ENPEP: variants seen among roughly 807,000 people sequenced by gnomAD.
ENPEP encodes glutamyl aminopeptidase, also known as AP-A.
Under a neutral mutation model 114.5 loss-of-function variants are expected in ENPEP, and 103 were observed. The ratio of observed to expected loss-of-function variants is 0.90; its 90% CI spans 0.77 to 1.06. The LOEUF is 1.06. ENPEP is among the 50% of genes least tolerant of loss of function. The probability of loss-of-function intolerance (pLI) is 0.00; values close to 1 mark genes in which losing one functional copy is unlikely to be tolerated. For synonymous variants in ENPEP, 420 were observed against 422.0 expected, an observed-to-expected ratio of 1.00 and a Z score of 0.06; for missense variants, 1,196 against 1,161.3, an observed-to-expected ratio of 1.03 and a Z score of -0.43.
At chr4:110,523,671 A>T (rs537399640) in intron 10 of ENPEP, among the ~76,000 whole-genome samples, 1 of 152,216 alleles carries the variant, frequency 6.6e-6, no homozygotes, top group African/African-American at 2.4e-5. Flanking sequence ...CATTTTTGTT[A>T]TGGTGGCAGA....
chr4:110,551,128 A>C (rs1727274183), intron 17 of ENPEP, among the ~76,000 whole-genome samples: 1 of 151,694 alleles, frequency 6.6e-6, no homozygotes, highest in South Asian at 2.1e-4. Context: ...GATCATTTTC[A>C]CATTTCACAA....
chr4:110,534,229 G>A (rs1297849888), intron 11 of ENPEP, among the ~76,000 whole-genome samples: 3 of 151,886 alleles, frequency 2.0e-5, no homozygotes, highest in African/African-American at 7.3e-5. Context: ...TCTCCCCAAG[G>A]TCTTTTATTT....
intron 11 of ENPEP, among the ~76,000 whole-genome samples, chr4:110,538,245 G>T (rs1230363763): frequency 6.6e-6 from 1 of 152,184 alleles, no homozygotes; most frequent in East Asian, 1.9e-4. Context: ...CATCTACACT[G>T]AAAATGTTTT....
chr4:110,522,040 G>T lies in ENPEP; in HGVS notation c.1727+1674G>T, dbSNP rs551634082. Among the ~76,000 whole-genome samples the T allele has an allele frequency of 2.0e-5, 3 of 151,878 alleles. No individual in the cohort carries two copies. In the East Asian group the frequency reaches 5.8e-4, roughly 29 times the overall value. On this transcript the variant is annotated intron_variant, in intron 10 of 19. Transcript: ENST00000265162. The stretch of plus-strand genomic sequence containing the variant: ...ATTACAGGTGCATGCCACCACACCC[G>T]GCTAATTTTTGTATTTTTAGTGAAG...
intron 4 of ENPEP, among the ~76,000 whole-genome samples, chr4:110,507,752 G>A (rs1402199420): frequency 1.3e-5 from 2 of 152,244 alleles, no homozygotes; most frequent in Non-Finnish European, 2.9e-5. Context: ...CAGGCGGGCG[G>A]ATCGCTTGAG....
Position 110,476,425 on chromosome 4 carries a change from C to T in ENPEP, c.11C>T (p.Ala4Val), listed in dbSNP as rs1209536247. The change falls in exon 1 of 20, where the codon GCG (alanine) becomes GTG (valine). Residue 4 changes from alanine (A) to valine (V), a missense_variant. By Grantham distance (64) the Ala-to-Val change is moderately conservative (BLOSUM62 0). Coordinates refer to ENST00000265162, the MANE Select transcript of ENPEP (RefSeq NM_001977.4). MNF[A>V]EREGSKRYCI... Reference sequence around the variant, plus strand: ...ACTTTGGAAGCAAAAATGAACTTTGCGGAGAGAGAGGGCTCTAAGAGATAC... The same window carrying T: ...ACTTTGGAAGCAAAAATGAACTTTGTGGAGAGAGAGGGCTCTAAGAGATAC... The T allele has an allele frequency of 2.0e-6, 3 of 1,514,148 alleles. No homozygotes were observed. Among genetic ancestry groups the T allele is most frequent in the African/African-American group, 1.4e-5 (1 of 71,704 alleles). 93.8% of individuals were successfully genotyped at this position (1,514,148 alleles called of 1,614,324 possible).
At chr4:110,518,147 G>A (rs1306914269) in intron 8 of ENPEP, among the ~76,000 whole-genome samples, 1 of 152,172 alleles carries the variant, frequency 6.6e-6, no homozygotes, top group Non-Finnish European at 1.5e-5. Flanking sequence ...CAGCAAAATA[G>A]GTGCAGGATG....
chr4:110,481,381 C>T (rs1349126722), intron 1 of ENPEP, among the ~76,000 whole-genome samples: 1 of 151,774 alleles, frequency 6.6e-6, no homozygotes, highest in Non-Finnish European at 1.5e-5. Context: ...ACAGGGTTTT[C>T]AGAGGCTTTT....
In ENPEP at chr4:110,476,765, C is replaced by G; in HGVS notation, c.351C>G (p.Gly117=). Residue 117 remains glycine (G), a synonymous_variant, in exon 1 of 20, where the codon GGC becomes GGG. Transcript: ENST00000265162. ...TGTTGGAGGAGGACACCTACACGGG[C>G]ACCGTGAGCATCTCCATCAACCTGA... ...KPLLEEDTYT[G]TVSISINLSA... The G allele has an allele frequency of 1.2e-6, 2 of 1,614,196 alleles. No individual in the cohort carries two copies. Among genetic ancestry groups the G allele is most frequent in the Non-Finnish European group, 1.7e-6 (2 of 1,180,044 alleles).
intron 14 of ENPEP, 68 bp downstream of exon 14, chr4:110,548,394 G>A: frequency 7.5e-7 from 1 of 1,325,246 alleles, no homozygotes; most frequent in Non-Finnish European, 9.9e-7. Context: ...GATGCTTTCT[G>A]AGAGAAGGAG....
intron 3 of ENPEP, among the ~76,000 whole-genome samples, chr4:110,495,892 A>AC (rs1724916628): frequency 6.6e-6 from 1 of 152,214 alleles, no homozygotes; most frequent in East Asian, 1.9e-4. Context: ...GATTATTTCA[A>AC]CTCTAGTCAA....
chr4:110,487,173 C>G (rs560066636), intron 1 of ENPEP, among the ~76,000 whole-genome samples: 1 of 152,324 alleles, frequency 6.6e-6, no homozygotes, highest in African/African-American at 2.4e-5. Context: ...GGTTGAGACT[C>G]TTGCAGCCAG....
chr4:110,548,010 T>A (rs185399104), intron 13 of ENPEP, among the ~76,000 whole-genome samples, 166 bp from the exon 14 acceptor site: 6 of 152,178 alleles, frequency 3.9e-5, no homozygotes, highest in Non-Finnish European at 7.4e-5. Context: ...ACTTTTTGAT[T>A]GGGCTTCAAC....
chr4:110,499,545 G>A (rs748293036), intron 3 of ENPEP, among the ~76,000 whole-genome samples: 6 of 152,150 alleles, frequency 3.9e-5, no homozygotes, highest in Non-Finnish European at 8.8e-5. Flanking sequence ...ATGGCCAGTT[G>A]TATGTTGGAA....
At chr4:110,544,745 C>G (rs1560568716) in intron 13 of ENPEP, among the ~76,000 whole-genome samples, 1 of 152,092 alleles carries the variant, frequency 6.6e-6, no homozygotes, top group Non-Finnish European at 1.5e-5. Context: ...GAGGTCCTTT[C>G]TATTCCAAGA....
In ENPEP at chr4:110,549,632, G is replaced by A; in HGVS notation, c.2330G>A (p.Ser777Asn). The A allele has an allele frequency of 1.2e-6, 2 of 1,613,426 alleles. No individual in the cohort carries two copies. The highest frequency in any genetic ancestry group is 1.7e-6 in the Non-Finnish European group (2 of 1,179,602). The change falls in exon 16 of 20, where the codon AGC (serine) becomes AAC (asparagine). Residue 777 changes from serine (S) to asparagine (N), a missense_variant and splice_region_variant. Physicochemically the swap from Ser to Asn is conservative, Grantham distance 46 (BLOSUM62 1). Transcript: ENST00000265162. The stretch of plus-strand genomic sequence containing the variant: ...GAGCAGTGGCTAAATGGGACTGTAA[G>A]GTGATTACTCACATTGTTATGCTTA... ...LFEQWLNGTV[S>N]LPVNLRLLVY...
At position 110,476,318 on chromosome 4, in the gene ENPEP, T is replaced by G. The variant is rs1724093785; in HGVS notation, c.-97T>G. The G allele has an allele frequency of 1.4e-6, 2 of 1,449,556 alleles. No homozygotes were observed. Among genetic ancestry groups the G allele is most frequent in the African/African-American group, 1.4e-5 (1 of 70,536 alleles). 89.8% of individuals were successfully genotyped at this position (1,449,556 alleles called of 1,614,324 possible). On this transcript the variant is annotated 5_prime_UTR_variant, in exon 1 of 20. Transcript: ENST00000265162. ...GGAAAAGCGAAAACAGGCTGCCAAA[T>G]CAGGGGATTCCTTCCAATTTAAAAA...
chr4:110,484,529 G>A (rs1416711100), intron 1 of ENPEP, among the ~76,000 whole-genome samples: 1 of 151,866 alleles, frequency 6.6e-6, no homozygotes, highest in Non-Finnish European at 1.5e-5. Context: ...ACTGACATTT[G>A]CTGAGAGGAC....
intron 6 of ENPEP, 65 bp downstream of exon 6, chr4:110,510,423 G>C (rs1725531410): frequency 7.4e-6 from 10 of 1,354,590 alleles, no homozygotes; most frequent in Middle Eastern, 1.8e-4. Flanking sequence ...GGAAGCCTTT[G>C]GACTATGATA....
Sources: allele counts gnomAD v4.1 joint callset (sites outside exome capture counted in the v4.1 genomes callset), GRCh38; gene constraint gnomAD v4.1.1; transcripts MANE v1.5; gene names NCBI Gene and HGNC (gene_info 2026-07-23, HGNC 2026-07-21).